The following SLC24A3 variants were observed in gnomAD, a reference collection of about 807,000 sequenced individuals.
SLC24A3 encodes the protein solute carrier family 24 member 3.
SLC24A3 carries 28 observed loss-of-function variants against 75.8 expected under a neutral mutation model. The observed-to-expected ratio is 0.37, with a 90% confidence interval of 0.27 to 0.51. The LOEUF (loss-of-function observed/expected upper bound fraction) is 0.51, where lower values mean the gene tolerates loss of function less well. SLC24A3 is among the 20% of genes least tolerant of loss of function. The probability of loss-of-function intolerance (pLI) is 0.94; values close to 1 mark genes in which losing one functional copy is unlikely to be tolerated. For missense variants in SLC24A3, 663 were observed against 847.8 expected (o/e 0.78, Z 2.71); for synonymous variants, 372 against 334.1 (o/e 1.11, Z -1.24).
At chr20:19,718,933 C>T (rs1330756749) in intron 16 of SLC24A3, among the ~76,000 whole-genome samples, 1 of 152,014 alleles carries the variant, frequency 6.6e-6, no homozygotes, top group African/African-American at 2.4e-5. Context: ...AGAGAAGAGC[C>T]CCAAGATCTC....
chr20:19,574,074 T>C (rs1043597085), intron 3 of SLC24A3, among the ~76,000 whole-genome samples: 5 of 152,208 alleles, frequency 3.3e-5, no homozygotes, highest in African/African-American at 1.2e-4. Context: ...TGGCTTTGAG[T>C]TGGTGCTGCA....
At chr20:19,426,208 T>A (rs1987003220) in intron 2 of SLC24A3, among the ~76,000 whole-genome samples, 1 of 152,192 alleles carries the variant, frequency 6.6e-6, no homozygotes, top group African/African-American at 2.4e-5. Flanking sequence ...CTCAAATATA[T>A]GAATATATTT....
At chr20:19,618,750 G>T (rs867248133) in intron 6 of SLC24A3, among the ~76,000 whole-genome samples, 2 of 152,204 alleles carry the variant, frequency 1.3e-5, no homozygotes, top group Non-Finnish European at 2.9e-5. Context: ...TTAATACCTC[G>T]TGAGTTAGGT....
chr20:19,556,714 A>C (rs1197202100), intron 3 of SLC24A3, among the ~76,000 whole-genome samples: 2 of 152,110 alleles, frequency 1.3e-5, no homozygotes, highest in South Asian at 4.1e-4. Context: ...AGTTTTGTGA[A>C]ATTCTTCCAC....
intron 12 of SLC24A3, among the ~76,000 whole-genome samples, chr20:19,690,750 G>C (rs1050103314): frequency 6.9e-6 from 1 of 144,736 alleles, no homozygotes; most frequent in African/African-American, 2.5e-5. Flanking sequence ...TCTCAGCCAG[G>C]CTTCTTGATT....
At chr20:19,507,877 T>C (rs1988483154) in intron 2 of SLC24A3, among the ~76,000 whole-genome samples, 1 of 152,172 alleles carries the variant, frequency 6.6e-6, no homozygotes, top group East Asian at 1.9e-4. Flanking sequence ...CCCTCTGCAT[T>C]CAGTCACACT....
chr20:19,275,676 A>G (rs139042780), intron 1 of SLC24A3, among the ~76,000 whole-genome samples: 1 of 152,238 alleles, frequency 6.6e-6, no homozygotes, highest in East Asian at 1.9e-4. Flanking sequence ...AGGAGAGCAC[A>G]AAAGGGTGAG....
At chr20:19,471,903 A>C (rs1379056031) in intron 2 of SLC24A3, among the ~76,000 whole-genome samples, 3 of 152,202 alleles carry the variant, frequency 2.0e-5, no homozygotes, top group African/African-American at 7.2e-5. Flanking sequence ...AAAATCGAAA[A>C]TATGAAAGTA....
At chr20:19,406,495 C>T (rs1436797179) in intron 2 of SLC24A3, among the ~76,000 whole-genome samples, 2 of 152,082 alleles carry the variant, frequency 1.3e-5, no homozygotes, top group African/African-American at 4.8e-5. Context: ...CAATTCAATT[C>T]AAAAATGTTT....
At chr20:19,640,637 C>CAT (rs2032065711) in intron 6 of SLC24A3, among the ~76,000 whole-genome samples, 1 of 152,220 alleles carries the variant, frequency 6.6e-6, no homozygotes, top group South Asian at 2.1e-4. Flanking sequence ...GTAATCCCAG[C>CAT]TACTCCGAAG....
intron 2 of SLC24A3, chr20:19,284,336 CTT>C (rs1424635073): frequency 1.3e-5 from 2 of 152,650 alleles, no homozygotes; most frequent in Non-Finnish European, 2.9e-5. Context: ...CATTCTAAAA[CTT>C]TGTTCAGTTT....
chr20:19,296,494 A>G (rs536546664), intron 2 of SLC24A3, among the ~76,000 whole-genome samples: 1 of 152,212 alleles, frequency 6.6e-6, no homozygotes, highest in East Asian at 1.9e-4. Flanking sequence ...TTAGTGTTAT[A>G]TATTTCCCTC....
At chr20:19,580,688 C>T (rs1258630276) in intron 4 of SLC24A3, among the ~76,000 whole-genome samples, 1 of 152,204 alleles carries the variant, frequency 6.6e-6, no homozygotes, top group Non-Finnish European at 1.5e-5. Context: ...CTCTTTCATT[C>T]TCTTGCCTCT....
chr20:19,268,425 A>T (rs977065689), intron 1 of SLC24A3, among the ~76,000 whole-genome samples: 2 of 152,210 alleles, frequency 1.3e-5, no homozygotes, highest in African/African-American at 4.8e-5. Context: ...GGGGGACCCT[A>T]CCAGCTTTTG....
chr20:19,519,245 G>A (rs917530271), intron 3 of SLC24A3, among the ~76,000 whole-genome samples: 1 of 152,166 alleles, frequency 6.6e-6, no homozygotes, highest in Admixed American at 6.5e-5. Flanking sequence ...CCTCAGTCTG[G>A]GTAGAAGTCT....
intron 2 of SLC24A3, among the ~76,000 whole-genome samples, chr20:19,391,799 C>T (rs6136703): frequency 0.12 from 17,978 of 152,162 alleles, 1,586 homozygotes; most frequent in East Asian, 0.32. Flanking sequence ...CAGAAAAATG[C>T]AGAGGTTTTT....
intron 3 of SLC24A3, among the ~76,000 whole-genome samples, chr20:19,525,307 G>A (rs1375595041): frequency 6.6e-6 from 1 of 152,158 alleles, no homozygotes; most frequent in African/African-American, 2.4e-5. Context: ...AGCTACAGGA[G>A]CCAAGACAGC....
chr20:19,281,030 G>T lies in SLC24A3; in HGVS notation c.214G>T (p.Asp72Tyr). Reference sequence around the variant, plus strand: ...GGCGAGGAAGCTGATGCAGGTGAACGACACTCTGACTTCCGAAGATGCCGG... The same window carrying T: ...GGCGAGGAAGCTGATGCAGGTGAACTACACTCTGACTTCCGAAGATGCCGG... Reference protein sequence around the residue: ...MMARKLMQVNDTLTSEDAGLR... With the variant: ...MMARKLMQVNYTLTSEDAGLR... The change falls in exon 2 of 17, where the codon GAC (aspartate) becomes TAC (tyrosine). Residue 72 changes from aspartate (D) to tyrosine (Y), a missense_variant. Asp to Tyr is a radical substitution (Grantham distance 160). Around this residue, in one of 2 missense-constraint regions of SLC24A3, gnomAD observed 153 missense variants for 144.2 expected, o/e 1.06. Transcript: ENST00000328041. 2 of 1,614,156 alleles carry T rather than the reference G, an allele frequency of 1.2e-6. No homozygotes were observed. Among genetic ancestry groups the T allele is most frequent in the Non-Finnish European group, 8.5e-7 (1 of 1,180,018 alleles).
At chr20:19,393,409 G>A (rs967332389) in intron 2 of SLC24A3, among the ~76,000 whole-genome samples, 2 of 152,020 alleles carry the variant, frequency 1.3e-5, no homozygotes, top group East Asian at 1.9e-4. Flanking sequence ...TAAATAAAAG[G>A]TATTGGAAAG....
Sources: allele counts gnomAD v4.1 joint callset (sites outside exome capture counted in the v4.1 genomes callset), GRCh38; gene constraint gnomAD v4.1.1; regional missense constraint gnomAD v4.1.1; transcripts MANE v1.5; gene names NCBI Gene and HGNC (gene_info 2026-07-23, HGNC 2026-07-21).